EPG5: variants seen among roughly 807,000 people sequenced by gnomAD.
The protein encoded by EPG5 is ectopic P-granules 5 autophagy tethering factor.
A neutral mutation model predicts 302.7 loss-of-function variants in EPG5; 159 were observed. That is an observed-to-expected ratio of 0.53 (90% CI 0.46 to 0.60). The LOEUF (loss-of-function observed/expected upper bound fraction) is 0.60, where lower values mean the gene tolerates loss of function less well. Among genes scored for constraint, EPG5 ranks in the 20% least tolerant of loss-of-function variants. EPG5 has a pLI of 0.00. For missense variants in EPG5, 2,896 were observed against 3,092.4 expected (o/e 0.94, Z 1.51); for synonymous variants, 1,158 against 1,136.8 (o/e 1.02, Z -0.37).
chr18:45,943,972 A>G, intron 8 of EPG5, 33 bp downstream of exon 8: 2 of 1,379,490 alleles, frequency 1.4e-6, no homozygotes, highest in Non-Finnish European at 2.1e-6. Flanking sequence ...ACTTGCCACT[A>G]CCACATTTTA....
At chr18:45,941,823 A>T (rs1278615073) in intron 9 of EPG5, among the ~76,000 whole-genome samples, 1 of 152,384 alleles carries the variant, frequency 6.6e-6, no homozygotes, top group East Asian at 1.9e-4. Context: ...AATAACAGGT[A>T]GATGGGCTTT....
At position 45,866,866 on chromosome 18, in the gene EPG5, C is replaced by A. The variant is rs1336609906; in HGVS notation, c.6553G>T (p.Glu2185Ter). The change falls in exon 38 of 44, where the codon GAA becomes TAA. Residue 2185 changes from glutamate (E) to a stop codon, truncating the protein, a stop_gained. Transcript: ENST00000282041. LOFTEE classifies it high-confidence loss of function. ...ACTTTTAGGAGCTTCATGATTAATT[C>A]AGCATAAGATTCTTTTGCCAGGATG... ...SIILAKESYA[E>*]LIMKLLKVSA... 6.2e-7 allele frequency: 1 copy of A among 1,614,184 alleles called. No homozygotes were observed. Among genetic ancestry groups the A allele is most frequent in the Non-Finnish European group, 8.5e-7 (1 of 1,180,010 alleles).
Position 45,904,044 on chromosome 18 carries a change from T to A in EPG5, c.4403A>T (p.Gln1468Leu). ...TGTGGAATGGGACTCAAGCTTGGCC[T>A]GTGTCCACAGACCAACAGTCTCCTG... ...EFQETVGLWT[Q>L]AKLESHSTPC... Residue 1468 changes from glutamine to leucine, a missense_variant, in exon 25 of 44, where the codon CAG becomes CTG. Gln to Leu is a moderately radical substitution (Grantham distance 113). Around this residue, in one of 5 missense-constraint regions of EPG5, gnomAD observed 790 missense variants for 798.0 expected, o/e 0.99. Coordinates refer to ENST00000282041, the MANE Select transcript of EPG5 (RefSeq NM_020964.3). The A allele has an allele frequency of 6.2e-7, 1 of 1,613,322 alleles. No individual in the cohort carries two copies. Among genetic ancestry groups the A allele is most frequent in the Non-Finnish European group, 8.5e-7 (1 of 1,179,898 alleles).
At position 45,884,743 on chromosome 18, in the gene EPG5, G is replaced by C. The variant is rs776382019; in HGVS notation, c.5178C>G (p.Leu1726=). The C allele has an allele frequency of 6.2e-7, 1 of 1,605,990 alleles. No individual in the cohort carries two copies. Among genetic ancestry groups the C allele is most frequent in the Non-Finnish European group, 8.5e-7 (1 of 1,176,804 alleles). The part of the protein sequence containing the change: ...VLETILKNSR[L]CSLLSPFFTP... The stretch of plus-strand genomic sequence containing the variant: ...TGAAGAAAGGAGACAGCAGGGAGCA[G>C]AGCCTGCTGTTCTTCAGAATGGTTT... Residue 1726 remains leucine, a synonymous_variant, in exon 30 of 44, where the codon CTC becomes CTG. Transcript: ENST00000282041.
chr18:45,890,229 T>C, intron 27 of EPG5: 1 of 232,276 alleles, frequency 4.3e-6, no homozygotes, highest in Non-Finnish European at 8.4e-6. Flanking sequence ...CCTCCACTGC[T>C]GATCATGGCT....
chr18:45,949,435 A>G (rs1314383044), intron 5 of EPG5, 49 bp downstream of exon 5: 7 of 1,131,178 alleles, frequency 6.2e-6, no homozygotes, highest in African/African-American at 1.5e-5. Context: ...ATAATGTCTA[A>G]TAAAACCTCT....
At chr18:45,846,866 G>C (rs1046090919), downstream of EPG5, among the ~76,000 whole-genome samples, 1 of 152,210 alleles carries the variant, frequency 6.6e-6, no homozygotes, top group African/African-American at 2.4e-5. Context: ...GAAAGACCAA[G>C]AGAGAAAAGG....
At chr18:45,932,733 A>C (rs1399538353) in intron 11 of EPG5, among the ~76,000 whole-genome samples, 1 of 142,486 alleles carries the variant, frequency 7.0e-6, no homozygotes, top group Non-Finnish European at 1.5e-5. Context: ...TCAAAGCTAG[A>C]ACATAGTAGG....
intron 29 of EPG5, 106 bp downstream of exon 29, chr18:45,887,645 C>A: frequency 2.0e-6 from 2 of 999,466 alleles, no homozygotes; most frequent in Non-Finnish European, 2.7e-6. Flanking sequence ...GGGTAAGACT[C>A]TGAACCTGTA....
intron 14 of EPG5, among the ~76,000 whole-genome samples, chr18:45,925,370 G>A (rs569054701): frequency 6.6e-6 from 1 of 152,344 alleles, no homozygotes; most frequent in East Asian, 1.9e-4. Flanking sequence ...CTACTTAGGA[G>A]GCTGATGCAG....
At chr18:45,930,189 T>C (rs2050367996) in intron 12 of EPG5, among the ~76,000 whole-genome samples, 1 of 152,212 alleles carries the variant, frequency 6.6e-6, no homozygotes, top group African/African-American at 2.4e-5. Flanking sequence ...AATTTCATAT[T>C]ATAGATGAGG....
intron 10 of EPG5, among the ~76,000 whole-genome samples, chr18:45,936,498 CG>C (rs1258232539): frequency 2.6e-5 from 4 of 152,004 alleles, no homozygotes; most frequent in African/African-American, 9.7e-5. Context: ...GAGGCTGAGG[CG>C]GGCAAATCAC....
At chr18:45,845,848 G>A (rs1236468176), downstream of EPG5, among the ~76,000 whole-genome samples, 1 of 152,170 alleles carries the variant, frequency 6.6e-6, no homozygotes, top group Non-Finnish European at 1.5e-5. Context: ...TGATCTCCTG[G>A]GTCCACCAGG....
At position 45,903,897 on chromosome 18, in the gene EPG5, T is replaced by C. The variant is rs1278309647; in HGVS notation, c.4474+76A>G. 2.2e-5 allele frequency: 32 copies of C among 1,422,828 alleles called. No individual in the cohort carries two copies. The Middle Eastern group carries it at 1.5e-3, about 68-fold the overall frequency. 88.1% of individuals were successfully genotyped at this position (1,422,828 alleles called of 1,614,324 possible). A position where few individuals can be genotyped will look rare whatever the true frequency, so the allele number is the denominator to read the frequency against. Reference sequence around the variant, plus strand: ...ATGAACACTGGGGGAATAAAGTATGTCAGCCTCAACCCTCAATGGCTCTGA... The same window carrying C: ...ATGAACACTGGGGGAATAAAGTATGCCAGCCTCAACCCTCAATGGCTCTGA... On this transcript the variant is annotated intron_variant, in intron 25 of 43. Transcript: ENST00000282041.
At chr18:45,923,014 C>T (rs1410797864) in intron 15 of EPG5, among the ~76,000 whole-genome samples, 7 of 152,178 alleles carry the variant, frequency 4.6e-5, no homozygotes, top group Non-Finnish European at 7.3e-5. Context: ...AGTCAGTTCT[C>T]CAGAGCCAGT....
rs1401058638 is a variant in EPG5 at position 45,915,598 on chromosome 18, G to C, written c.3606C>G (p.Asp1202Glu). 1 of 1,614,140 alleles carries C rather than the reference G, an allele frequency of 6.2e-7. No individual in the cohort carries two copies. Among genetic ancestry groups the C allele is most frequent in the Non-Finnish European group, 8.5e-7 (1 of 1,179,998 alleles). The change falls in exon 20 of 44, where the codon GAC becomes GAG. Residue 1202 changes from aspartate (D) to glutamate (E), a missense_variant. By Grantham distance (45) the Asp-to-Glu change is conservative. Coordinates refer to ENST00000282041, the MANE Select transcript of EPG5 (RefSeq NM_020964.3). ...QHKNALGYHCDRSLLSSLVSW... is the reference protein window; with the variant it reads ...QHKNALGYHCERSLLSSLVSW... ...TTACCAAAGATGAGAGCAGACTCCG[G>C]TCACAGTGGTAACCCAAGGCATTCT...
At chr18:45,906,568 A>G (rs2145630574) in intron 24 of EPG5, among the ~76,000 whole-genome samples, 1 of 151,916 alleles carries the variant, frequency 6.6e-6, no homozygotes, top group South Asian at 2.1e-4. Flanking sequence ...TTCATGGCTC[A>G]GCTCAAAGGT....
At chr18:45,806,074 T>C in the EPG5 span, among the ~76,000 whole-genome samples, 1 of 152,198 alleles carries the variant, frequency 6.6e-6, no homozygotes, top group Non-Finnish European at 1.5e-5. Flanking sequence ...AAGCAAATAG[T>C]TTAGCCCAGT....
chr18:45,961,874 A>AAAC (rs2051156586), intron 1 of EPG5, among the ~76,000 whole-genome samples: 1 of 151,652 alleles, frequency 6.6e-6, no homozygotes, highest in African/African-American at 2.4e-5. Flanking sequence ...AAAAAAAAAA[A>AAAC]AACTATCCAG....
Sources: allele counts gnomAD v4.1 joint callset (sites outside exome capture counted in the v4.1 genomes callset), GRCh38; gene constraint gnomAD v4.1.1; regional missense constraint gnomAD v4.1.1; transcripts MANE v1.5; gene names NCBI Gene and HGNC (gene_info 2026-07-23, HGNC 2026-07-21).